The following EEF1E1 variants were observed in gnomAD, a reference collection of about 807,000 sequenced individuals.
EEF1E1 encodes eukaryotic translation elongation factor 1 epsilon 1.
Under a neutral mutation model 19.9 loss-of-function variants are expected in EEF1E1, and 19 were observed. The observed-to-expected ratio is 0.95, with a 90% confidence interval of 0.66 to 1.40. The LOEUF (loss-of-function observed/expected upper bound fraction) is 1.40. Among genes scored for constraint, EEF1E1 ranks in the 40% most tolerant of loss-of-function variants. EEF1E1 has a pLI of 0.00. For synonymous variants in EEF1E1, 81 were observed against 80.0 expected, an observed-to-expected ratio of 1.01 and a Z score of -0.07; for missense variants, 198 against 202.2, an observed-to-expected ratio of 0.98 and a Z score of 0.13.
chr6:8,087,703 C>T (rs1757899364), intron 3 of EEF1E1, among the ~76,000 whole-genome samples: 1 of 152,176 alleles, frequency 6.6e-6, no homozygotes, highest in African/African-American at 2.4e-5. Context: ...AAAGACTGCT[C>T]CAGGGGCCAC....
intron 2 of EEF1E1, among the ~76,000 whole-genome samples, chr6:8,097,023 A>G (rs1758194270): frequency 6.6e-6 from 1 of 152,222 alleles, no homozygotes; most frequent in Non-Finnish European, 1.5e-5. Context: ...GTGACTGCAT[A>G]TAGAACAAAG....
chr6:8,088,620 C>T (rs984720516), intron 3 of EEF1E1, among the ~76,000 whole-genome samples: 8 of 152,200 alleles, frequency 5.3e-5, no homozygotes, highest in Non-Finnish European at 1.0e-4. Flanking sequence ...TGTGAGGCTT[C>T]CCCAGCCACT....
rs942764776 is a variant in EEF1E1 at position 8,092,869 on chromosome 6, CTTTT to C, written c.289-2592_289-2589del. Among the ~76,000 whole-genome samples the C allele has an allele frequency of 5.3e-5, 5 of 93,774 alleles. No individual in the cohort carries two copies. The South Asian group carries it at 1.9e-3, about 35-fold the overall frequency. 61.5% of individuals were successfully genotyped at this position (93,774 alleles called of 152,430 possible). ...TTTTGTGTTTTAGTGATAAAGACTG[CTTTT>C]TTTTTTTTTTTTTTTTTTTGAGATG... On this transcript the variant is annotated intron_variant, in intron 2 of 3. Transcript: ENST00000379715.
intron 3 of EEF1E1, among the ~76,000 whole-genome samples, chr6:8,074,319 T>G (rs1373537266): frequency 6.6e-6 from 1 of 152,172 alleles, no homozygotes. Context: ...AACATATACG[T>G]GTAATTTACA....
At chr6:8,090,643 T>C (rs1163037052) in intron 2 of EEF1E1, among the ~76,000 whole-genome samples, 1 of 152,224 alleles carries the variant, frequency 6.6e-6, no homozygotes, top group East Asian at 1.9e-4. Context: ...CCCAACAATT[T>C]CAATCTCTTT....
At chr6:8,074,223 G>A (rs1395996570) in intron 3 of EEF1E1, among the ~76,000 whole-genome samples, 2 of 152,168 alleles carry the variant, frequency 1.3e-5, no homozygotes, top group African/African-American at 2.4e-5. Flanking sequence ...CCAAAGGTGG[G>A]CTAATTTCCT....
At position 8,079,617 on chromosome 6, in the gene EEF1E1, C is replaced by A; in HGVS notation, c.*273G>T. On this transcript the variant is annotated 3_prime_UTR_variant, in exon 4 of 4. Coordinates refer to ENST00000379715, the MANE Select transcript of EEF1E1 (RefSeq NM_004280.5). Reference sequence around the variant, plus strand: ...TTTTAAGATTAAGCCCGATTTGCAACTTTTATTGAAATAAATGTCATCTAC... The same window carrying A: ...TTTTAAGATTAAGCCCGATTTGCAAATTTTATTGAAATAAATGTCATCTAC... The A allele has an allele frequency of 1.8e-6, 2 of 1,098,146 alleles. No homozygotes were observed. Among genetic ancestry groups the A allele is most frequent in the Non-Finnish European group, 1.1e-6 (1 of 900,086 alleles). The allele number at this position is 1,098,146 out of a possible 1,614,324, so 68.0% of individuals were successfully genotyped here. A position where few individuals can be genotyped will look rare whatever the true frequency, so the allele number is the denominator to read the frequency against.
downstream of EEF1E1, chr6:8,078,771 G>T (rs1274979310): frequency 7.8e-7 from 1 of 1,278,894 alleles, no homozygotes; most frequent in Non-Finnish European, 1.0e-6. Context: ...TAACCTTACT[G>T]ATTGCCAAGA....
downstream of EEF1E1, among the ~76,000 whole-genome samples, chr6:8,077,966 G>A (rs923443203): frequency 8.6e-5 from 13 of 152,044 alleles, no homozygotes; most frequent in African/African-American, 3.1e-4. Flanking sequence ...TTGTAGAGAC[G>A]GGGCTTTGTC....
downstream of EEF1E1, among the ~76,000 whole-genome samples, chr6:8,077,965 C>T (rs868441322): frequency 2.0e-5 from 3 of 152,184 alleles, no homozygotes; most frequent in East Asian, 1.9e-4. Context: ...TTTGTAGAGA[C>T]GGGGCTTTGT....
chr6:8,083,237 T>C (rs764265581), intron 3 of EEF1E1, among the ~76,000 whole-genome samples: 10 of 152,226 alleles, frequency 6.6e-5, no homozygotes, highest in Admixed American at 2.6e-4. Flanking sequence ...ACACGCTGCT[T>C]TGCTACCTTT....
rs768567421 is a variant in EEF1E1 at position 8,102,515 on chromosome 6, C to T, written c.7G>A (p.Ala3Thr). The change falls in exon 1 of 4, where the codon GCG (alanine) becomes ACG (threonine). Residue 3 changes from alanine to threonine, a missense_variant. Transcript: ENST00000379715. ...TCCAGTAGCGACAACTCTGCGGCCG[C>T]CGCCATCTTCCGGCCGTAGCTCCTG... MAAAAELSLLEKS... is the reference protein window; with the variant it reads MATAAELSLLEKS... The T allele has an allele frequency of 6.2e-7, 1 of 1,610,542 alleles. No homozygotes were observed. Among genetic ancestry groups the T allele is most frequent in the East Asian group, 2.2e-5 (1 of 44,878 alleles).
exon 4 of EEF1E1, chr6:8,073,386 C>T (rs1161399885): frequency 1.3e-6 from 2 of 1,497,894 alleles, no homozygotes; most frequent in African/African-American, 2.8e-5. Context: ...TTATGGCACT[C>T]CATGTAGAGT....
Position 8,097,412 on chromosome 6 carries a change from G to C in EEF1E1, c.143C>G (p.Ala48Gly). 1.2e-6 allele frequency: 2 copies of C among 1,614,098 alleles called. No homozygotes were observed. Among genetic ancestry groups the C allele is most frequent in the Non-Finnish European group, 1.7e-6 (2 of 1,180,016 alleles). The change falls in exon 2 of 4, where the codon GCA becomes GGA. Residue 48 changes from alanine to glycine, a missense_variant. Physicochemically the swap from Ala to Gly is moderately conservative, Grantham distance 60. Transcript: ENST00000379715. The part of the protein sequence containing the change: ...GPSLTGLTTI[A>G]AHLVKQANKE... ...GTTGGCTTGCTTGACTAGATGAGCT[G>C]CTATAGTAGTCAATCCTGTTAGACT...
chr6:8,077,058 C>T (rs980652827), downstream of EEF1E1, among the ~76,000 whole-genome samples: 1 of 151,570 alleles, frequency 6.6e-6, no homozygotes, highest in African/African-American at 2.4e-5. Context: ...ATTCTCCTGC[C>T]TCAGCTTCCC....
Position 8,089,297 on chromosome 6 carries a change from C to T in EEF1E1, c.384+889G>A, listed in dbSNP as rs562270346. Among the ~76,000 whole-genome samples, 282 of 152,106 alleles carry T rather than the reference C, an allele frequency of 1.9e-3. 4 individuals carry two copies. Among genetic ancestry groups the T allele is most frequent in the African/African-American group, 6.4e-3 (267 of 41,508 alleles). On this transcript the variant is annotated intron_variant, in intron 3 of 3. Coordinates refer to ENST00000379715, the MANE Select transcript of EEF1E1 (RefSeq NM_004280.5). ...AAGAGATCAAAAGAGCTAAGATAAGCGGTGTATTAGTCAGGGTTCTCTAGA... is the reference window on the plus strand; with the variant it reads ...AAGAGATCAAAAGAGCTAAGATAAGTGGTGTATTAGTCAGGGTTCTCTAGA...
intron 3 of EEF1E1, among the ~76,000 whole-genome samples, chr6:8,086,738 T>G (rs1313541454): frequency 3.3e-5 from 5 of 152,000 alleles, no homozygotes; most frequent in African/African-American, 4.8e-5. Flanking sequence ...TGAGGTACAG[T>G]GAGAAAGTAT....
chr6:8,087,711 C>A (rs1301384472), intron 3 of EEF1E1, among the ~76,000 whole-genome samples: 1 of 152,180 alleles, frequency 6.6e-6, no homozygotes, highest in Non-Finnish European at 1.5e-5. Flanking sequence ...CTCCAGGGGC[C>A]ACCAAGCTCA....
chr6:8,099,120 T>C (rs1229041361), intron 1 of EEF1E1, among the ~76,000 whole-genome samples: 2 of 152,224 alleles, frequency 1.3e-5, no homozygotes, highest in Non-Finnish European at 2.9e-5. Context: ...ATGAGACACA[T>C]ACTATTTTCA....
Sources: gnomAD v4.1 joint callset for allele counts (sites outside exome capture counted in the v4.1 genomes callset) on GRCh38, gnomAD v4.1.1 for gene constraint, MANE v1.5 for transcripts, NCBI Gene and HGNC (gene_info 2026-07-23, HGNC 2026-07-21) for gene names.